DAB1: variants seen among roughly 807,000 people sequenced by gnomAD.
DAB1 encodes the protein disabled homolog 1.
Under a neutral mutation model 64.6 loss-of-function variants are expected in DAB1, and 15 were observed. The ratio of observed to expected loss-of-function variants is 0.23; its 90% CI spans 0.16 to 0.36. DAB1 has a LOEUF of 0.36. Ranked by LOEUF, DAB1 falls within the 10% of genes least tolerant of loss-of-function variation. The pLI, the probability that DAB1 is intolerant of heterozygous loss-of-function variation, is 1.00. For synonymous variants in DAB1, 235 were observed against 251.9 expected, an observed-to-expected ratio of 0.93 and a Z score of 0.64; for missense variants, 596 against 706.7, an observed-to-expected ratio of 0.84 and a Z score of 1.78.
chr1:58,233,159 T>C (rs1659858450), intron 4 of DAB1, among the ~76,000 whole-genome samples: 1 of 152,244 alleles, frequency 6.6e-6, no homozygotes, highest in African/African-American at 2.4e-5. Flanking sequence ...ATTTTCTTAA[T>C]CACCTCTTTT....
At chr1:57,045,733 T>A (rs1235032978) in intron 9 of DAB1, among the ~76,000 whole-genome samples, 1 of 151,902 alleles carries the variant, frequency 6.6e-6, no homozygotes, top group Non-Finnish European at 1.5e-5. Flanking sequence ...GAAAGTGGGA[T>A]GGGGAACCCT....
At chr1:57,584,059 C>T (rs900442462) in intron 7 of DAB1, among the ~76,000 whole-genome samples, 5 of 152,168 alleles carry the variant, frequency 3.3e-5, no homozygotes, top group African/African-American at 1.2e-4. Flanking sequence ...GAAAACCTAA[C>T]TTAGGAGTAT....
At chr1:57,439,005 G>C (rs1408205114) in intron 7 of DAB1, among the ~76,000 whole-genome samples, 1 of 152,170 alleles carries the variant, frequency 6.6e-6, no homozygotes, top group East Asian at 1.9e-4. Flanking sequence ...TGTGACCCAA[G>C]CTAAGTCAGT....
intron 4 of DAB1, among the ~76,000 whole-genome samples, chr1:58,304,251 C>CA (rs1662248716): frequency 6.6e-6 from 1 of 152,160 alleles, no homozygotes; most frequent in African/African-American, 2.4e-5. Flanking sequence ...AATTTCCACT[C>CA]ACTGGTCATG....
chr1:58,525,802 A>C (rs1240250221), intron 2 of DAB1, among the ~76,000 whole-genome samples: 2 of 152,276 alleles, frequency 1.3e-5, no homozygotes, highest in African/African-American at 4.8e-5. Flanking sequence ...CAGAAGCTTC[A>C]GGTATCAACA....
chr1:57,411,216 T>C (rs1684082633), intron 1 of DAB1, among the ~76,000 whole-genome samples: 1 of 152,212 alleles, frequency 6.6e-6, no homozygotes, highest in Admixed American at 6.5e-5. Context: ...TTTGACTATA[T>C]TATTGACATA....
At chr1:58,056,342 C>G (rs779881003) in intron 5 of DAB1, 1 of 1,581,498 alleles carries the variant, frequency 6.3e-7, no homozygotes, top group African/African-American at 1.3e-5. Flanking sequence ...ACTGCTGCGG[C>G]CTTCACTATG....
chr1:58,526,178 T>C (rs1356121354), intron 2 of DAB1, among the ~76,000 whole-genome samples: 3 of 152,026 alleles, frequency 2.0e-5, no homozygotes, highest in Non-Finnish European at 4.4e-5. Context: ...ATTAGGAAAT[T>C]CTTAATACAG....
rs1451603541 is a variant in DAB1 at position 57,981,224 on chromosome 1, A to G, written n.388-97062T>C. ...AAATCTACTTCATAGGCTTACCATG[A>G]GGATTGAAAGAGATTTTATAGGGAA... On this transcript the variant is annotated intron_variant and non_coding_transcript_variant, in intron 5 of 20. Transcript: ENST00000485760. 2.0e-5 allele frequency among the ~76,000 whole-genome samples: 3 copies of G among 152,120 alleles called. No homozygotes were observed. In the East Asian group the frequency reaches 5.8e-4, roughly 29 times the overall value.
intron 2 of DAB1, among the ~76,000 whole-genome samples, chr1:57,273,070 T>C (rs571966499): frequency 5.3e-5 from 8 of 152,288 alleles, no homozygotes; most frequent in African/African-American, 7.2e-5. Flanking sequence ...TCAACTTCTA[T>C]TTGCACCACC....
chr1:58,443,620 C>T (rs1006691748), intron 3 of DAB1, among the ~76,000 whole-genome samples: 3 of 152,136 alleles, frequency 2.0e-5, no homozygotes, highest in Non-Finnish European at 2.9e-5. Flanking sequence ...ATTAACCTTG[C>T]GGAAAGTCAG....
intron 2 of DAB1, among the ~76,000 whole-genome samples, chr1:57,284,135 A>T (rs1207496921): frequency 1.3e-5 from 2 of 152,256 alleles, no homozygotes; most frequent in African/African-American, 4.8e-5. Flanking sequence ...ATGAATAAAA[A>T]TAAACTTGGA....
chr1:58,058,442 C>T (rs1461877295), intron 5 of DAB1, among the ~76,000 whole-genome samples: 1 of 152,170 alleles, frequency 6.6e-6, no homozygotes, highest in Non-Finnish European at 1.5e-5. Flanking sequence ...TTACGCCATT[C>T]GCTCCCACTA....
chr1:58,048,150 T>G, intron 5 of DAB1: 1 of 1,269,844 alleles, frequency 7.9e-7, no homozygotes, highest in Non-Finnish European at 1.1e-6. Context: ...CTGGCTCTTC[T>G]CTCCTGCTAA....
intron 4 of DAB1, among the ~76,000 whole-genome samples, chr1:58,300,605 A>AG: frequency 1.5e-4 from 5 of 34,426 alleles, no homozygotes; most frequent in African/African-American, 4.6e-4. Flanking sequence ...AGAAAGAAAG[A>AG]AAGAAAGAGA....
rs1649839635 is a variant in DAB1, at chr1:57,777,102, T to TA, written n.551+106896dup. The stretch of plus-strand genomic sequence containing the variant: ...ACTAGGTTGACAGCTTTTTTTTTTT[T>TA]AAAGCACGTTAAAGATTTTTCCGTT... On this transcript the variant is annotated intron_variant and non_coding_transcript_variant, in intron 6 of 20. Transcript: ENST00000485760. Among the ~76,000 whole-genome samples, 4 of 150,420 alleles carry TA rather than the reference T, an allele frequency of 2.7e-5. 1 individual carries two copies. Among genetic ancestry groups the TA allele is most frequent in the South Asian group, 4.2e-4 (2 of 4,770 alleles).
chr1:58,409,971 C>T (rs907904988), intron 3 of DAB1, among the ~76,000 whole-genome samples: 3 of 152,178 alleles, frequency 2.0e-5, no homozygotes, highest in South Asian at 4.1e-4. Context: ...TTCCCATAGC[C>T]GGCTTGAGAA....
At chr1:57,213,281 A>C (rs1666171805) in intron 2 of DAB1, among the ~76,000 whole-genome samples, 1 of 152,236 alleles carries the variant, frequency 6.6e-6, no homozygotes. Context: ...ACAATTACTT[A>C]GATTTTTGAC....
intron 1 of DAB1, among the ~76,000 whole-genome samples, chr1:57,868,928 C>T (rs923568199): frequency 2.6e-5 from 4 of 152,014 alleles, no homozygotes; most frequent in Non-Finnish European, 4.4e-5. Context: ...ATCTTGATGC[C>T]TTCAAGATTT....
Sources: gnomAD v4.1 joint callset for allele counts (sites outside exome capture counted in the v4.1 genomes callset) on GRCh38, gnomAD v4.1.1 for gene constraint, MANE v1.5 for transcripts, NCBI Gene and HGNC (gene_info 2026-07-23, HGNC 2026-07-21) for gene names.